FHOD3: variants seen among roughly 807,000 people sequenced by gnomAD.
The protein encoded by FHOD3 is formin homology 2 domain containing 3, also known as FH1/FH2 domain-containing protein 3.
Under a neutral mutation model 173.0 loss-of-function variants are expected in FHOD3, and 90 were observed. The ratio of observed to expected loss-of-function variants is 0.52; its 90% confidence interval spans 0.44 to 0.62. The LOEUF is 0.62. Among genes scored for constraint, FHOD3 ranks in the 20% least tolerant of loss-of-function variants. The pLI, the probability that FHOD3 is intolerant of heterozygous loss-of-function variation, is 0.00. For missense variants in FHOD3, 1,945 were observed against 2,034.7 expected (o/e 0.96, Z 0.85); for synonymous variants, 828 against 823.0 (o/e 1.01, Z -0.10).
rs73949492 is a variant in FHOD3 at position 36,415,778 on chromosome 18, A to G, written c.337+43034A>G. The stretch of plus-strand genomic sequence containing the variant: ...TTTGCATTCTTAATTTCAGGCAGAC[A>G]TTTTCATTCCATTGGCATGTGATTC... On this transcript the variant is annotated intron_variant, in intron 3 of 28. Coordinates refer to ENST00000590592, the MANE Select transcript of FHOD3 (RefSeq NM_001281740.3). 3.0e-3 allele frequency among the ~76,000 whole-genome samples: 455 copies of G among 152,296 alleles called. 3 individuals are homozygous for G. Among genetic ancestry groups the G allele is most frequent in the African/African-American group, 0.01 (436 of 41,554 alleles).
intron 1 of FHOD3, among the ~76,000 whole-genome samples, chr18:36,332,842 A>G (rs997017367): frequency 6.6e-6 from 1 of 152,172 alleles, no homozygotes; most frequent in Non-Finnish European, 1.5e-5. Flanking sequence ...TTAGTTGATG[A>G]GAATCAGGGT....
At chr18:36,561,753 A>T (rs1401539899) in intron 5 of FHOD3, among the ~76,000 whole-genome samples, 1 of 152,026 alleles carries the variant, frequency 6.6e-6, no homozygotes, top group East Asian at 1.9e-4. Flanking sequence ...TTCTTTGTAC[A>T]CTATCAATTT....
At chr18:36,575,713 TTATC>T (rs1283824419) in intron 5 of FHOD3, among the ~76,000 whole-genome samples, 2 of 152,236 alleles carry the variant, frequency 1.3e-5, no homozygotes, top group Non-Finnish European at 2.9e-5. Flanking sequence ...TGTTTGTTCA[TTATC>T]TATCAGTCAG....
chr18:36,586,010 C>A (rs1399039649), intron 6 of FHOD3, among the ~76,000 whole-genome samples: 1 of 152,202 alleles, frequency 6.6e-6, no homozygotes, highest in Non-Finnish European at 1.5e-5. Context: ...CAGCCCTTCT[C>A]CCCCTACTCC....
At chr18:36,743,308 CAAAAAAAAAAAAAAAA>C (rs57694311) in intron 22 of FHOD3, among the ~76,000 whole-genome samples, 1 of 65,898 alleles carries the variant, frequency 1.5e-5, no homozygotes, top group Non-Finnish European at 2.7e-5. Context: ...GACTCTGTCT[CAAAAAAAAAAAAAAAA>C]AAAAAAAAAA....
chr18:36,400,375 G>A (rs970976328), intron 3 of FHOD3, among the ~76,000 whole-genome samples: 1 of 152,140 alleles, frequency 6.6e-6, no homozygotes, highest in Middle Eastern at 3.2e-3. Flanking sequence ...GAGGACAATG[G>A]TCTTGTAAGT....
At chr18:36,441,817 C>T (rs983836444) in intron 3 of FHOD3, among the ~76,000 whole-genome samples, 1 of 152,206 alleles carries the variant, frequency 6.6e-6, no homozygotes, top group African/African-American at 2.4e-5. Flanking sequence ...GAATCGTGGA[C>T]TCACTGAATT....
At chr18:36,446,271 C>T (rs183779665) in intron 3 of FHOD3, among the ~76,000 whole-genome samples, 3 of 152,136 alleles carry the variant, frequency 2.0e-5, no homozygotes, top group Non-Finnish European at 4.4e-5. Context: ...GCCCTGGGGG[C>T]TCTCAGAATG....
At chr18:36,594,368 C>T (rs2029932230) in intron 6 of FHOD3, among the ~76,000 whole-genome samples, 1 of 152,072 alleles carries the variant, frequency 6.6e-6, no homozygotes, top group Non-Finnish European at 1.5e-5. Context: ...ACTTGTTTAA[C>T]CTGCTGTTTC....
intron 1 of FHOD3, among the ~76,000 whole-genome samples, chr18:36,330,745 C>T (rs754757306): frequency 5.6e-4 from 85 of 152,258 alleles, no homozygotes; most frequent in Middle Eastern, 3.4e-3. Context: ...TTTATGGGCA[C>T]GGTCTTTTCC....
intron 14 of FHOD3, among the ~76,000 whole-genome samples, chr18:36,680,316 C>T (rs1473033049): frequency 6.6e-6 from 1 of 152,210 alleles, no homozygotes; most frequent in Non-Finnish European, 1.5e-5. Flanking sequence ...CATCTTTCTC[C>T]TGCACTGAGA....
intron 3 of FHOD3, among the ~76,000 whole-genome samples, chr18:36,488,363 C>G (rs1230018467): frequency 1.3e-5 from 2 of 152,120 alleles, no homozygotes; most frequent in South Asian, 2.1e-4. Flanking sequence ...GCATTGACCC[C>G]GGGAAGGAAG....
chr18:36,542,765 C>T (rs540704044), intron 5 of FHOD3, among the ~76,000 whole-genome samples: 1 of 152,238 alleles, frequency 6.6e-6, no homozygotes, highest in African/African-American at 2.4e-5. Context: ...TTTACAGTGT[C>T]TGACTTGCTG....
chr18:36,576,521 G>T lies in FHOD3; in HGVS notation c.582G>T (p.Trp194Cys), dbSNP rs1457484116. ...GVINRNETIQ[W>C]LYTLIGSKFR... Reference sequence around the variant, plus strand: ...TAAACCGCAATGAAACCATTCAGTGGCTGTACACTCTCATTGGGTCAAAGG... The same window carrying T: ...TAAACCGCAATGAAACCATTCAGTGTCTGTACACTCTCATTGGGTCAAAGG... The change falls in exon 6 of 29, where the codon TGG becomes TGT. Residue 194 changes from tryptophan to cysteine, a missense_variant. Trp to Cys is a radical substitution (Grantham distance 215). Transcript: ENST00000590592. 1 of 1,613,582 alleles carries T rather than the reference G, an allele frequency of 6.2e-7. No individual in the cohort carries two copies. The highest frequency in any genetic ancestry group is 8.5e-7 in the Non-Finnish European group (1 of 1,179,826).
At chr18:36,648,824 C>T (rs962585830) in intron 10 of FHOD3, among the ~76,000 whole-genome samples, 2 of 152,288 alleles carry the variant, frequency 1.3e-5, no homozygotes, top group East Asian at 3.9e-4. Flanking sequence ...ATAGGTCCAC[C>T]GTGGAAGTTA....
chr18:36,391,845 G>A (rs544917008), intron 3 of FHOD3, among the ~76,000 whole-genome samples: 2 of 152,132 alleles, frequency 1.3e-5, no homozygotes, highest in Admixed American at 1.3e-4. Flanking sequence ...GACTGTGTTG[G>A]TGCCTCCCCT....
intron 27 of FHOD3, among the ~76,000 whole-genome samples, chr18:36,765,933 A>G (rs2043120590): frequency 6.6e-6 from 1 of 152,198 alleles, no homozygotes; most frequent in South Asian, 2.1e-4. Flanking sequence ...GAGATGGCTG[A>G]GAATTTACCA....
chr18:36,432,150 G>A (rs1402494737), intron 3 of FHOD3, among the ~76,000 whole-genome samples: 1 of 152,132 alleles, frequency 6.6e-6, no homozygotes, highest in East Asian at 1.9e-4. Context: ...TCAGGGCCAT[G>A]CCATCTTGGA....
chr18:36,579,537 C>T (rs1248984932), intron 6 of FHOD3, among the ~76,000 whole-genome samples: 2 of 152,122 alleles, frequency 1.3e-5, no homozygotes, highest in East Asian at 3.9e-4. Context: ...AAACGTGATC[C>T]CCAATGCAAC....
Sources: gnomAD v4.1 joint callset for allele counts (sites outside exome capture counted in the v4.1 genomes callset) on GRCh38, gnomAD v4.1.1 for gene constraint, MANE v1.5 for transcripts, NCBI Gene and HGNC (gene_info 2026-07-23, HGNC 2026-07-21) for gene names.